The following CFAP44 variants were observed in gnomAD, a reference collection of about 807,000 sequenced individuals.
CFAP44 encodes cilia- and flagella-associated protein 44.
CFAP44 carries 134 observed loss-of-function variants against 216.2 expected under a neutral mutation model. The observed-to-expected ratio is 0.62, with a 90% CI of 0.54 to 0.72. The LOEUF (loss-of-function observed/expected upper bound fraction) is 0.72. Ranked by LOEUF, CFAP44 falls within the 30% of genes least tolerant of loss-of-function variation. The pLI, the probability that CFAP44 is intolerant of heterozygous loss-of-function variation, is 0.00. For synonymous variants in CFAP44, 700 were observed against 727.6 expected, an observed-to-expected ratio of 0.96 and a Z score of 0.61; for missense variants, 2,035 against 2,182.1, an observed-to-expected ratio of 0.93 and a Z score of 1.34.
At chr3:113,321,940 C>A (rs1950149177) in intron 28 of CFAP44, among the ~76,000 whole-genome samples, 1 of 152,134 alleles carries the variant, frequency 6.6e-6, no homozygotes, top group Admixed American at 6.6e-5. Context: ...GGCATATCCT[C>A]CAAAGCAATA....
At chr3:113,358,301 A>G (rs1950509404) in intron 22 of CFAP44, among the ~76,000 whole-genome samples, 1 of 152,076 alleles carries the variant, frequency 6.6e-6, no homozygotes, top group Non-Finnish European at 1.5e-5. Context: ...TACGTATTTT[A>G]TGTAAATTAT....
intron 28 of CFAP44, among the ~76,000 whole-genome samples, chr3:113,309,563 C>G (rs1320163687): frequency 2.0e-5 from 3 of 152,144 alleles, no homozygotes; most frequent in African/African-American, 7.2e-5. Context: ...AAAAATACAT[C>G]TGTCCCTAAG....
chr3:113,402,588 C>A (rs1260992296), intron 9 of CFAP44, among the ~76,000 whole-genome samples: 1 of 152,148 alleles, frequency 6.6e-6, no homozygotes, highest in Non-Finnish European at 1.5e-5. Context: ...ATAGATTAGC[C>A]TGGTTGGGGG....
At chr3:113,406,763 T>C (rs949918529) in intron 8 of CFAP44, among the ~76,000 whole-genome samples, 164 bp downstream of exon 8, 1 of 152,180 alleles carries the variant, frequency 6.6e-6, no homozygotes, top group Non-Finnish European at 1.5e-5. Context: ...TTCAGGGAAA[T>C]ATTTTAATTA....
At chr3:113,388,670 C>T (rs969589663) in intron 15 of CFAP44, among the ~76,000 whole-genome samples, 5 of 152,046 alleles carry the variant, frequency 3.3e-5, no homozygotes, top group Non-Finnish European at 5.9e-5. Flanking sequence ...TATAAAGACA[C>T]ATATAGACTG....
intron 21 of CFAP44, chr3:113,361,070 A>G (rs1013679332): frequency 4.1e-6 from 1 of 241,842 alleles, no homozygotes; most frequent in Non-Finnish European, 8.7e-6. Flanking sequence ...AGTTGCATCA[A>G]GTAAATTATG....
Position 113,366,193 on chromosome 3 carries a change from T to A in CFAP44, c.2561A>T (p.His854Leu). 6.2e-7 allele frequency: 1 copy of A among 1,614,114 alleles called. No homozygotes were observed. Among genetic ancestry groups the A allele is most frequent in the Non-Finnish European group, 8.5e-7 (1 of 1,180,000 alleles). Residue 854 changes from histidine (H) to leucine (L), a missense_variant, in exon 19 of 35, where the codon CAT (histidine) becomes CTT (leucine). Around this residue, in one of 3 missense-constraint regions of CFAP44, gnomAD observed 1,883 missense variants for 2,023.7 expected, o/e 0.93. Transcript: ENST00000393845. The part of the protein sequence containing the change: ...SLVDYWHFNM[H>L]DNNYGCIKSI... ...TTTAATACATCCATAATTATTGTCA[T>A]GCATATTGAAGTGCCAGTAGTCCAC...
chr3:113,357,902 A>G (rs1950505875), intron 22 of CFAP44, among the ~76,000 whole-genome samples: 1 of 152,210 alleles, frequency 6.6e-6, no homozygotes, highest in Admixed American at 6.5e-5. Flanking sequence ...TGTTCATAGT[A>G]GCATTATTTA....
At chr3:113,401,866 A>G in intron 9 of CFAP44, 127 bp from the exon 10 acceptor site, 2 of 1,058,130 alleles carry the variant, frequency 1.9e-6, no homozygotes, top group Non-Finnish European at 2.6e-6. Flanking sequence ...GTAACAATGA[A>G]CAAGTGTGAT....
intron 21 of CFAP44, among the ~76,000 whole-genome samples, chr3:113,359,902 T>A (rs1386915803): frequency 6.6e-6 from 1 of 152,136 alleles, no homozygotes; most frequent in African/African-American, 2.4e-5. Flanking sequence ...CTAAATTAAA[T>A]CATTTTTAAA....
intron 29 of CFAP44, among the ~76,000 whole-genome samples, chr3:113,307,359 A>C (rs1279294234): frequency 6.6e-6 from 1 of 152,246 alleles, no homozygotes; most frequent in Admixed American, 6.5e-5. Flanking sequence ...TTTGTCACTC[A>C]TAAATGGCTG....
chr3:113,293,164 C>G (rs1949847621), intron 34 of CFAP44, among the ~76,000 whole-genome samples: 1 of 152,220 alleles, frequency 6.6e-6, no homozygotes. Context: ...CCCAGTCATT[C>G]CAGTGGGTTA....
chr3:113,362,326 C>T (rs531220829), intron 21 of CFAP44, among the ~76,000 whole-genome samples: 4 of 152,162 alleles, frequency 2.6e-5, no homozygotes, highest in East Asian at 3.9e-4. Context: ...AGGCACTCCT[C>T]GTGATGCTCT....
intron 26 of CFAP44, 85 bp from the exon 27 acceptor site, chr3:113,327,904 A>C: frequency 1.6e-6 from 2 of 1,274,474 alleles, no homozygotes; most frequent in South Asian, 1.5e-5. Context: ...ATTTGTATGA[A>C]GTCATTTTTT....
At chr3:113,346,836 G>A (rs1409205501) in intron 22 of CFAP44, among the ~76,000 whole-genome samples, 8 of 152,306 alleles carry the variant, frequency 5.3e-5, no homozygotes, top group Admixed American at 6.5e-5. Context: ...CAAACCACTC[G>A]GGTCCCCTTC....
chr3:113,350,714 T>C (rs1408136104), intron 22 of CFAP44, among the ~76,000 whole-genome samples: 1 of 152,172 alleles, frequency 6.6e-6, no homozygotes, highest in Non-Finnish European at 1.5e-5. Context: ...GGTGGCTGCT[T>C]TGCTAGCAGA....
intron 6 of CFAP44, among the ~76,000 whole-genome samples, chr3:113,415,837 A>T (rs185592278): frequency 3.7e-4 from 56 of 152,108 alleles, no homozygotes; most frequent in Non-Finnish European, 2.1e-4. Context: ...TATATTCTGT[A>T]GATTTGGAGT....
In CFAP44 at chr3:113,286,970, T is replaced by G. The variant is rs1207020035; in HGVS notation, c.*4587A>C. The G allele has an allele frequency of 9.5e-7, 1 of 1,055,676 alleles. No homozygotes were observed. The highest frequency in any genetic ancestry group is 1.4e-6 in the Non-Finnish European group (1 of 727,474). The allele number at this position is 1,055,676 out of a possible 1,614,324, so 65.4% of individuals were successfully genotyped here. A position where few individuals can be genotyped will look rare whatever the true frequency, so the allele number is the denominator to read the frequency against. ...TATTTATTTTTCTATTATAGCCATA[T>G]TTATATATTTATGCACTTGTAAATA... is the stretch of plus-strand genomic sequence containing the variant. On this transcript the variant is annotated 3_prime_UTR_variant, in exon 35 of 35. Transcript: ENST00000393845.
In CFAP44 at chr3:113,433,651, T is replaced by C; in HGVS notation, c.14A>G (p.Asp5Gly). 6.2e-7 allele frequency: 1 copy of C among 1,612,990 alleles called. No homozygotes were observed. Among genetic ancestry groups the C allele is most frequent in the Non-Finnish European group, 8.5e-7 (1 of 1,179,714 alleles). ...TTTCTCCCCATCAGTATCCTGATCA[T>C]CTGGTTCCTTCATTTCCTCTGTAAG... is the stretch of plus-strand genomic sequence containing the variant. MKEPDDQDTDGEKSV... is the reference protein window; with the variant it reads MKEPGDQDTDGEKSV... Residue 5 changes from aspartate (D) to glycine (G), a missense_variant, in exon 2 of 35, where the codon GAT (aspartate) becomes GGT (glycine). Physicochemically the swap from Asp to Gly is moderately conservative, Grantham distance 94 (BLOSUM62 -1). Transcript: ENST00000393845.
Sources: allele counts gnomAD v4.1 joint callset (sites outside exome capture counted in the v4.1 genomes callset), GRCh38; gene constraint gnomAD v4.1.1; regional missense constraint gnomAD v4.1.1; transcripts MANE v1.5; gene names NCBI Gene and HGNC (gene_info 2026-07-23, HGNC 2026-07-21).